CCSER1: variants seen among roughly 807,000 people sequenced by gnomAD.
CCSER1 encodes the protein serine-rich coiled-coil domain-containing protein 1.
CCSER1 carries 41 observed loss-of-function variants against 82.0 expected under a neutral mutation model. The ratio of observed to expected loss-of-function variants is 0.50; its 90% CI spans 0.39 to 0.65. The LOEUF (loss-of-function observed/expected upper bound fraction) is 0.65, where lower values mean the gene tolerates loss of function less well. Among genes scored for constraint, CCSER1 ranks in the 30% least tolerant of loss-of-function variants. CCSER1 has a pLI of 0.00. For synonymous variants in CCSER1, 414 were observed against 383.9 expected (o/e 1.08, Z -0.92); for missense variants, 1,119 against 1,064.2 (o/e 1.05, Z -0.72).
At chr4:90,597,938 C>T (rs1317707305) in intron 5 of CCSER1, among the ~76,000 whole-genome samples, 1 of 151,960 alleles carries the variant, frequency 6.6e-6, no homozygotes, top group Non-Finnish European at 1.5e-5. Flanking sequence ...AATGTCTTTC[C>T]AGTCCATCCA....
At chr4:91,059,996 G>T (rs1743822490) in intron 9 of CCSER1, among the ~76,000 whole-genome samples, 1 of 151,962 alleles carries the variant, frequency 6.6e-6, no homozygotes, top group Non-Finnish European at 1.5e-5. Context: ...CTTGTCATAG[G>T]TCAGGCTGCT....
chr4:90,578,224 A>T (rs1325322422), intron 5 of CCSER1, among the ~76,000 whole-genome samples: 1 of 152,222 alleles, frequency 6.6e-6, no homozygotes, highest in East Asian at 1.9e-4. Flanking sequence ...GGGTTAAAAC[A>T]ATGCAAATTT....
intron 5 of CCSER1, among the ~76,000 whole-genome samples, chr4:90,508,772 AT>A (rs1466751117): frequency 1.3e-5 from 2 of 152,008 alleles, no homozygotes; most frequent in East Asian, 3.8e-4. Context: ...TATAATTAAT[AT>A]CTTTTTTATT....
rs73834778 is a variant in CCSER1, at chr4:91,091,896, C to T, written c.2217+5902C>T. Among the ~76,000 whole-genome samples the T allele has an allele frequency of 4.0e-3, 607 of 152,252 alleles. 5 individuals are homozygous for T. The highest frequency in any genetic ancestry group is 0.014 in the African/African-American group (566 of 41,528). On this transcript the variant is annotated intron_variant, in intron 10 of 10. Transcript: ENST00000509176. ...GCTGACTGAGCACCTCTCATTTACC[C>T]AAGTTGAGATTGTCTGGGTAATTTT...
intron 3 of CCSER1, among the ~76,000 whole-genome samples, chr4:90,384,237 C>T (rs1463202612): frequency 6.6e-6 from 1 of 151,264 alleles, no homozygotes; most frequent in Non-Finnish European, 1.5e-5. Context: ...GTGTGCTGCA[C>T]CCATTAACTC....
intron 1 of CCSER1, among the ~76,000 whole-genome samples, chr4:90,250,096 T>A (rs1377848514): frequency 2.6e-5 from 4 of 152,116 alleles, no homozygotes; most frequent in African/African-American, 4.8e-5. Flanking sequence ...TTGGGTTGTA[T>A]TTTTGAGTTG....
At chr4:91,269,320 A>G (rs946609927) in intron 10 of CCSER1, among the ~76,000 whole-genome samples, 20 of 152,240 alleles carry the variant, frequency 1.3e-4, no homozygotes, top group Non-Finnish European at 1.8e-4. Flanking sequence ...ATAAGTACCT[A>G]AAATGCACAC....
intron 10 of CCSER1, among the ~76,000 whole-genome samples, chr4:91,164,609 C>G (rs930396708): frequency 4.6e-5 from 7 of 152,168 alleles, no homozygotes; most frequent in African/African-American, 1.7e-4. Context: ...TCCCATATTT[C>G]TTGTAGGCTT....
chr4:91,347,068 C>T (rs1419976266), intron 10 of CCSER1, among the ~76,000 whole-genome samples: 1 of 152,026 alleles, frequency 6.6e-6, no homozygotes, highest in East Asian at 1.9e-4. Flanking sequence ...CATCACCAAA[C>T]TCAAGGTCAC....
chr4:90,267,135 T>C (rs1486416987), intron 1 of CCSER1, among the ~76,000 whole-genome samples: 1 of 152,002 alleles, frequency 6.6e-6, no homozygotes. Context: ...GTCTTAGGCC[T>C]GGCAGCATTT....
intron 10 of CCSER1, among the ~76,000 whole-genome samples, chr4:91,356,902 A>G (rs111884466): frequency 0.02 from 3,001 of 152,250 alleles, 90 homozygotes; most frequent in African/African-American, 0.067. Flanking sequence ...ATCCTGGAAA[A>G]CAGCTACCAT....
chr4:90,900,667 A>G (rs764765302), intron 8 of CCSER1, among the ~76,000 whole-genome samples: 1 of 151,940 alleles, frequency 6.6e-6, no homozygotes, highest in Non-Finnish European at 1.5e-5. Context: ...GTTGCTTGAT[A>G]TGACTTTGAT....
In CCSER1 at chr4:90,182,993, AT is replaced by A. The variant is rs750436617; in HGVS notation, c.-42+55166del. Among the ~76,000 whole-genome samples the A allele has an allele frequency of 3.9e-5, 6 of 152,092 alleles. No individual in the cohort carries two copies. In the East Asian group the frequency reaches 9.7e-4, roughly 24 times the overall value. On this transcript the variant is annotated intron_variant, in intron 1 of 10. Transcript: ENST00000509176. The stretch of plus-strand genomic sequence containing the variant: ...GTAATTACACACAAAAATATTTTTT[AT>A]TTTCTCTTTTATCTCAGTTTTATCT...
chr4:90,372,611 C>T (rs1236583119), intron 3 of CCSER1, among the ~76,000 whole-genome samples: 1 of 151,946 alleles, frequency 6.6e-6, no homozygotes, highest in East Asian at 1.9e-4. Flanking sequence ...TTAGCCGGGC[C>T]TGGTGGCAGG....
At chr4:90,964,046 T>A (rs1365071351) in intron 9 of CCSER1, among the ~76,000 whole-genome samples, 1 of 152,180 alleles carries the variant, frequency 6.6e-6, no homozygotes, top group Non-Finnish European at 1.5e-5. Flanking sequence ...GAACTCTTTT[T>A]TACACTATTT....
intron 1 of CCSER1, among the ~76,000 whole-genome samples, chr4:90,165,652 T>C (rs558905333): frequency 1.6e-3 from 247 of 152,176 alleles, no homozygotes; most frequent in African/African-American, 5.6e-3. Flanking sequence ...AGATTATAAT[T>C]ACATGTTTCT....
At chr4:90,271,298 A>G (rs1485258175) in intron 1 of CCSER1, among the ~76,000 whole-genome samples, 1 of 152,104 alleles carries the variant, frequency 6.6e-6, no homozygotes, top group East Asian at 1.9e-4. Flanking sequence ...AGACATATAG[A>G]TCAATGGAGC....
In CCSER1 at chr4:91,600,832, GC is replaced by G. The variant is rs1197227627; in HGVS notation, c.*1777del. On this transcript the variant is annotated 3_prime_UTR_variant, in exon 11 of 11. Transcript: ENST00000509176. ...TCTTTCTTTGCGTGTTTGTAATTCT[GC>G]CAAAAGAGAACAATATACACTGCAA... 4.6e-5 allele frequency: 7 copies of G among 152,186 alleles called. No individual in the cohort carries two copies. In the East Asian group the frequency reaches 1.4e-3, roughly 29 times the overall value. The allele number at this position is 152,186 out of a possible 1,614,324, so 9.4% of individuals were successfully genotyped here.
intron 10 of CCSER1, among the ~76,000 whole-genome samples, chr4:91,376,303 A>G (rs961781402): frequency 1.1e-4 from 16 of 152,216 alleles, no homozygotes; most frequent in Non-Finnish European, 1.8e-4. Context: ...ATAGCCTACT[A>G]GACACCTAGG....
Sources: allele counts gnomAD v4.1 joint callset (sites outside exome capture counted in the v4.1 genomes callset), GRCh38; gene constraint gnomAD v4.1.1; transcripts MANE v1.5; gene names NCBI Gene and HGNC (gene_info 2026-07-23, HGNC 2026-07-21).